The following PTPRD variants were observed in gnomAD, a reference collection of about 807,000 sequenced individuals.
The protein encoded by PTPRD is protein tyrosine phosphatase receptor type D.
A neutral mutation model predicts 214.5 loss-of-function variants in PTPRD; 34 were observed. That is an observed-to-expected ratio of 0.16 (90% CI 0.12 to 0.21). PTPRD has a LOEUF of 0.21. Ranked by LOEUF, PTPRD falls within the 10% of genes least tolerant of loss-of-function variation. The pLI is 1.00. For missense variants in PTPRD, 2,545 were observed against 2,398.7 expected (o/e 1.06, Z -1.27); for synonymous variants, 1,128 against 845.7 (o/e 1.33, Z -5.79).
intron 11 of PTPRD, among the ~76,000 whole-genome samples, chr9:8,954,535 GA>G (rs56130108): frequency 3.3e-5 from 5 of 149,928 alleles, no homozygotes; most frequent in South Asian, 4.2e-4. Flanking sequence ...GGTAAACATG[GA>G]AAAAAAAAGG....
intron 5 of PTPRD, among the ~76,000 whole-genome samples, chr9:9,841,919 T>C (rs10978026): frequency 6.6e-6 from 1 of 151,952 alleles, no homozygotes; most frequent in Non-Finnish European, 1.5e-5. Flanking sequence ...CTTAAATATG[T>C]TGGAAAGTAC....
At chr9:9,337,951 A>T (rs1247390061) in intron 9 of PTPRD, among the ~76,000 whole-genome samples, 1 of 152,216 alleles carries the variant, frequency 6.6e-6, no homozygotes, top group Non-Finnish European at 1.5e-5. Flanking sequence ...TACTTTCTTC[A>T]TACATTCTTT....
At chr9:10,011,049 T>C (rs981640300) in intron 4 of PTPRD, among the ~76,000 whole-genome samples, 38 of 151,982 alleles carry the variant, frequency 2.5e-4, no homozygotes, top group African/African-American at 8.7e-4. Flanking sequence ...CATACAAATA[T>C]TAAATGAATA....
rs545175348 is a variant in PTPRD, at chr9:8,828,517, T to C, written c.-103-94571A>G. On this transcript the variant is annotated intron_variant, in intron 11 of 45. Transcript: ENST00000381196. ...CCAGAACTGTGAGAAATAATGTTTG[T>C]TGTTTAAGCCACCCTATCTAGGATA... Among the ~76,000 whole-genome samples, 4 of 152,262 alleles carry C rather than the reference T, an allele frequency of 2.6e-5. No individual in the cohort carries two copies. In the South Asian group the frequency reaches 8.3e-4, roughly 32 times the overall value.
At chr9:9,991,616 C>G (rs1241932253) in intron 4 of PTPRD, among the ~76,000 whole-genome samples, 1 of 152,098 alleles carries the variant, frequency 6.6e-6, no homozygotes, top group African/African-American at 2.4e-5. Flanking sequence ...CTGCCTTGGC[C>G]TCCCGAAGTG....
At chr9:9,504,796 C>T (rs1373458816) in intron 8 of PTPRD, among the ~76,000 whole-genome samples, 1 of 151,462 alleles carries the variant, frequency 6.6e-6, no homozygotes, top group Non-Finnish European at 1.5e-5. Flanking sequence ...TAAATGATTT[C>T]AGTAAAATTA....
intron 11 of PTPRD, among the ~76,000 whole-genome samples, chr9:8,790,841 T>C (rs2096202008): frequency 1.3e-5 from 2 of 151,880 alleles, no homozygotes; most frequent in South Asian, 4.1e-4. Flanking sequence ...TCCAAAGCTA[T>C]TTAAATTAAT....
intron 3 of PTPRD, among the ~76,000 whole-genome samples, chr9:10,167,811 T>C (rs2154294645): frequency 6.6e-6 from 1 of 152,262 alleles, no homozygotes; most frequent in East Asian, 1.9e-4. Flanking sequence ...AATATAGCTG[T>C]AAGAGTTGAT....
chr9:8,808,008 G>A (rs974216165), intron 11 of PTPRD, among the ~76,000 whole-genome samples: 2 of 152,148 alleles, frequency 1.3e-5, no homozygotes, highest in African/African-American at 4.8e-5. Flanking sequence ...TTGGGGACAT[G>A]TATGCTCTAC....
At position 9,898,548 on chromosome 9, in the gene PTPRD, C is replaced by T. The variant is rs12238709; in HGVS notation, c.-368+39959G>A. 9.9e-4 allele frequency among the ~76,000 whole-genome samples: 151 copies of T among 152,034 alleles called. 1 individual carries two copies. The highest frequency in any genetic ancestry group is 3.2e-3 in the African/African-American group (131 of 41,494). ...GAAGCTCTAGATTACGCTCTAGATG[C>T]GCATGCTATTTCAATTTAAGGAATC... On this transcript the variant is annotated intron_variant, in intron 5 of 45. Coordinates refer to ENST00000381196, the MANE Select transcript of PTPRD (RefSeq NM_002839.4).
chr9:10,041,250 T>A (rs2097292260), intron 3 of PTPRD, among the ~76,000 whole-genome samples: 1 of 151,950 alleles, frequency 6.6e-6, no homozygotes, highest in Non-Finnish European at 1.5e-5. Context: ...TATATTGAGG[T>A]AGTTTGAAAT....
At chr9:10,385,212 C>T (rs1296690525) in intron 2 of PTPRD, among the ~76,000 whole-genome samples, 1 of 151,680 alleles carries the variant, frequency 6.6e-6, no homozygotes, top group East Asian at 2.0e-4. Flanking sequence ...ATTTTTAAAG[C>T]TCTTTGTGCC....
intron 43 of PTPRD, among the ~76,000 whole-genome samples, chr9:8,332,114 G>A (rs998694497): frequency 7.3e-6 from 1 of 137,472 alleles, no homozygotes; most frequent in African/African-American, 3.1e-5. Context: ...CATATAAAAT[G>A]GAACATATAT....
Position 9,792,547 on chromosome 9 carries a change from A to G in PTPRD, c.-367-25696T>C, listed in dbSNP as rs145946100. Among the ~76,000 whole-genome samples the G allele has an allele frequency of 9.2e-5, 14 of 152,334 alleles. No homozygotes were observed. In the East Asian group the frequency reaches 2.5e-3, roughly 27 times the overall value. ...GTAGCCCTGGAGGAAAAAATAGAAC[A>G]ATTTTAGGAGATAAATTTATGTCTC... On this transcript the variant is annotated intron_variant, in intron 5 of 45. Coordinates refer to ENST00000381196, the MANE Select transcript of PTPRD (RefSeq NM_002839.4).
At chr9:9,408,770 T>A (rs879429251) in intron 8 of PTPRD, among the ~76,000 whole-genome samples, 1 of 152,012 alleles carries the variant, frequency 6.6e-6, no homozygotes, top group African/African-American at 2.4e-5. Flanking sequence ...TTGTGAAGAT[T>A]AAATAAAATA....
chr9:10,329,303 A>G (rs923487485), intron 3 of PTPRD, among the ~76,000 whole-genome samples: 14 of 151,816 alleles, frequency 9.2e-5, no homozygotes, highest in African/African-American at 3.1e-4. Flanking sequence ...CCTCTTTGCC[A>G]TTTGGGCAAT....
chr9:8,397,494 T>G (rs1485124628), intron 36 of PTPRD, among the ~76,000 whole-genome samples: 1 of 152,144 alleles, frequency 6.6e-6, no homozygotes, highest in African/African-American at 2.4e-5. Context: ...TGAAAATACA[T>G]CCAGTTACCA....
At chr9:10,012,236 A>C (rs2096615960) in intron 4 of PTPRD, among the ~76,000 whole-genome samples, 1 of 151,984 alleles carries the variant, frequency 6.6e-6, no homozygotes, top group Non-Finnish European at 1.5e-5. Context: ...ATAATCATCT[A>C]TATGACCAAA....
chr9:8,671,179 T>A (rs531391603), intron 12 of PTPRD, among the ~76,000 whole-genome samples: 54 of 152,290 alleles, frequency 3.5e-4, no homozygotes, highest in African/African-American at 1.2e-3. Flanking sequence ...TCTAAACGAA[T>A]AACCCAAAAT....
Sources: gnomAD v4.1 joint callset for allele counts (sites outside exome capture counted in the v4.1 genomes callset) on GRCh38, gnomAD v4.1.1 for gene constraint, MANE v1.5 for transcripts, NCBI Gene and HGNC (gene_info 2026-07-23, HGNC 2026-07-21) for gene names.